Variants in CALN1 observed in about 807,000 individuals in gnomAD.
The protein encoded by CALN1 is calcium-binding protein 8.
In CALN1, 17 loss-of-function variants were observed where a neutral mutation model predicts 30.6. That is an observed-to-expected ratio of 0.56 (90% CI 0.38 to 0.83). The LOEUF (loss-of-function observed/expected upper bound fraction) is 0.83, where lower values mean the gene tolerates loss of function less well. Among genes scored for constraint, CALN1 ranks in the 40% least tolerant of loss-of-function variants. The probability of loss-of-function intolerance (pLI) is 0.00; values close to 1 mark genes in which losing one functional copy is unlikely to be tolerated. For synonymous variants in CALN1, 156 were observed against 131.4 expected (o/e 1.19, Z -1.28); for missense variants, 291 against 354.9 (o/e 0.82, Z 1.45).
chr7:72,267,879 C>T (rs996250409), intron 3 of CALN1, among the ~76,000 whole-genome samples: 3 of 152,100 alleles, frequency 2.0e-5, no homozygotes, highest in African/African-American at 7.2e-5. Flanking sequence ...TGGTGTTGTG[C>T]ACTTGTAGCC....
chr7:72,157,793 G>A (rs1473555626), intron 3 of CALN1, among the ~76,000 whole-genome samples: 2 of 152,194 alleles, frequency 1.3e-5, no homozygotes, highest in Non-Finnish European at 2.9e-5. Flanking sequence ...GCCCAGGCAG[G>A]AGTGCAGTGG....
chr7:72,481,360 A>G, the CALN1 span, among the ~76,000 whole-genome samples: 1 of 152,226 alleles, frequency 6.6e-6, no homozygotes, highest in Non-Finnish European at 1.5e-5. Context: ...AAGGGCTGGG[A>G]TTATAAGCAT....
chr7:71,971,957 G>GAAAA (rs1389783214), intron 5 of CALN1, among the ~76,000 whole-genome samples: 1 of 53,220 alleles, frequency 1.9e-5, no homozygotes, highest in African/African-American at 6.9e-5. Flanking sequence ...AAAAAAAAAA[G>GAAAA]AAAGAAAGAA....
chr7:72,395,353 G>GCACA lies in CALN1; in HGVS notation c.119+7897_119+7898insTGTG, dbSNP rs1369419019. On this transcript the variant is annotated intron_variant, in intron 2 of 6. Transcript: ENST00000395275. ...ACACATACACACACACGCTGCGCACGCGCGCGCACACACACACACACACAT... is the reference window on the plus strand; with the variant it reads ...ACACATACACACACACGCTGCGCACGCACACGCGCGCACACACACACACACACAT... Among the ~76,000 whole-genome samples the GCACA allele has an allele frequency of 4.5e-4, 30 of 66,642 alleles. No individual in the cohort carries two copies. In the South Asian group the frequency reaches 7.2e-3, roughly 16 times the overall value. The allele number at this position is 66,642 out of a possible 152,430, so 43.7% of individuals were successfully genotyped here.
chr7:72,076,405 C>A (rs552097776), intron 4 of CALN1, among the ~76,000 whole-genome samples: 2 of 151,288 alleles, frequency 1.3e-5, no homozygotes, highest in Non-Finnish European at 2.9e-5. Flanking sequence ...TCGAGACCAG[C>A]CTGACCAACA....
intron 5 of CALN1, among the ~76,000 whole-genome samples, chr7:71,827,804 A>AAATG (rs1358266877): frequency 4.6e-5 from 7 of 151,288 alleles, no homozygotes; most frequent in African/African-American, 1.7e-4. Context: ...ATAAATAAAT[A>AAATG]AATAAATAAG....
intron 2 of CALN1, among the ~76,000 whole-genome samples, chr7:72,342,121 G>A (rs1221324090): frequency 1.3e-5 from 2 of 152,088 alleles, no homozygotes; most frequent in African/African-American, 2.4e-5. Context: ...TTAGCCAGGT[G>A]TGGTAGCATG....
Position 72,161,950 on chromosome 7 carries a change from T to A in CALN1, c.245-55656A>T, listed in dbSNP as rs532839562. Among the ~76,000 whole-genome samples, 208 of 151,862 alleles carry A rather than the reference T, an allele frequency of 1.4e-3. 1 individual carries two copies. The highest frequency in any genetic ancestry group is 4.7e-3 in the African/African-American group (196 of 41,434). On this transcript the variant is annotated intron_variant, in intron 3 of 6. Coordinates refer to ENST00000395275, the MANE Select transcript of CALN1 (RefSeq NM_031468.4). The stretch of plus-strand genomic sequence containing the variant: ...ACAAAAAAAGAAAAAAAGTTGGTGA[T>A]TCTTGTAATGTCATGGAGGCAAATC...
At chr7:72,339,278 C>T (rs1251114037) in intron 2 of CALN1, among the ~76,000 whole-genome samples, 1 of 152,134 alleles carries the variant, frequency 6.6e-6, no homozygotes, top group Admixed American at 6.5e-5. Flanking sequence ...CAACAAACAT[C>T]AGAATGCAGA....
intron 4 of CALN1, among the ~76,000 whole-genome samples, chr7:72,090,420 A>G (rs1433990672): frequency 1.3e-5 from 2 of 152,212 alleles, no homozygotes; most frequent in Non-Finnish European, 2.9e-5. Context: ...TAAAAATACA[A>G]TAAAATATTA....
At chr7:72,041,217 G>A (rs780883779) in intron 4 of CALN1, among the ~76,000 whole-genome samples, 2 of 151,978 alleles carry the variant, frequency 1.3e-5, no homozygotes, top group African/African-American at 2.4e-5. Flanking sequence ...AGAGATCAAG[G>A]GACACCTCCA....
chr7:72,275,299 G>C (rs2129553786), intron 3 of CALN1, among the ~76,000 whole-genome samples: 1 of 152,188 alleles, frequency 6.6e-6, no homozygotes, highest in South Asian at 2.1e-4. Context: ...CAGAACTTTA[G>C]GGTCACCTTG....
chr7:72,233,322 AC>A (rs1794245556), intron 3 of CALN1, among the ~76,000 whole-genome samples: 1 of 152,110 alleles, frequency 6.6e-6, no homozygotes, highest in Non-Finnish European at 1.5e-5. Flanking sequence ...AAAGGAGAAG[AC>A]GGTCTCGGGG....
intron 5 of CALN1, among the ~76,000 whole-genome samples, chr7:71,812,379 A>G (rs549314501): frequency 6.6e-6 from 1 of 152,334 alleles, no homozygotes; most frequent in South Asian, 2.1e-4. Context: ...GTGAAAAATG[A>G]GAAAACTGTG....
At chr7:72,070,411 G>T (rs1479981476) in intron 4 of CALN1, among the ~76,000 whole-genome samples, 2 of 152,172 alleles carry the variant, frequency 1.3e-5, no homozygotes, top group Non-Finnish European at 2.9e-5. Context: ...GCTCTGCCTG[G>T]CCCAGCATTC....
intron 3 of CALN1, among the ~76,000 whole-genome samples, chr7:72,250,646 A>C (rs1330223343): frequency 1.3e-5 from 2 of 152,018 alleles, no homozygotes; most frequent in Non-Finnish European, 2.9e-5. Flanking sequence ...TCCCTGCAGT[A>C]ATGAGTGAGT....
chr7:72,453,577 C>G, the CALN1 span, among the ~76,000 whole-genome samples: 1 of 152,236 alleles, frequency 6.6e-6, no homozygotes, highest in Non-Finnish European at 1.5e-5. Context: ...GTCCCACCTA[C>G]TATCTCATTA....
chr7:72,156,961 C>T (rs762730723), intron 3 of CALN1, among the ~76,000 whole-genome samples: 5 of 152,226 alleles, frequency 3.3e-5, no homozygotes, highest in African/African-American at 9.6e-5. Context: ...ACTACCAAGA[C>T]ATAACCTCTG....
At chr7:72,408,557 G>A (rs1319233936) in intron 1 of CALN1, among the ~76,000 whole-genome samples, 2 of 151,836 alleles carry the variant, frequency 1.3e-5, no homozygotes, top group Non-Finnish European at 2.9e-5. Context: ...CAAGGCCCTG[G>A]TCATCATGGA....
Sources: gnomAD v4.1 joint callset for allele counts (sites outside exome capture counted in the v4.1 genomes callset) on GRCh38, gnomAD v4.1.1 for gene constraint, MANE v1.5 for transcripts, NCBI Gene and HGNC (gene_info 2026-07-23, HGNC 2026-07-21) for gene names.